The following MAML3 variants were observed in gnomAD, a reference collection of about 807,000 sequenced individuals.
MAML3 encodes mastermind-like protein 3.
In MAML3, 27 loss-of-function variants were observed where a neutral mutation model predicts 101.9. That is an observed-to-expected ratio of 0.27 (90% CI 0.20 to 0.37). The LOEUF (loss-of-function observed/expected upper bound fraction) is 0.37, where lower values mean the gene tolerates loss of function less well. MAML3 is among the 10% of genes least tolerant of loss of function. The pLI is 1.00. For synonymous variants in MAML3, 501 were observed against 555.9 expected, an observed-to-expected ratio of 0.90 and a Z score of 1.39; for missense variants, 1,316 against 1,444.9, an observed-to-expected ratio of 0.91 and a Z score of 1.45.
At chr4:140,004,722 G>C (rs1216234857) in intron 1 of MAML3, among the ~76,000 whole-genome samples, 1 of 152,026 alleles carries the variant, frequency 6.6e-6, no homozygotes, top group Non-Finnish European at 1.5e-5. Flanking sequence ...TGGCGAGGGA[G>C]CCTGGCGCAG....
chr4:139,801,522 G>A (rs149532604), intron 2 of MAML3, among the ~76,000 whole-genome samples: 11 of 152,248 alleles, frequency 7.2e-5, no homozygotes, highest in East Asian at 3.9e-4. Flanking sequence ...GACTTTTTCC[G>A]TCAAAAGGAA....
rs993913187 is a variant in MAML3 at position 139,790,255 on chromosome 4, A to G, written c.2080-59588T>C. On this transcript the variant is annotated intron_variant, in intron 2 of 4. Coordinates refer to ENST00000509479, the MANE Select transcript of MAML3 (RefSeq NM_018717.5). ...TATATATATATATAAATAAATATAT[A>G]AAATAAAATATATACCTATATATAA... 5.5e-5 allele frequency among the ~76,000 whole-genome samples: 8 copies of G among 145,600 alleles called. No individual in the cohort carries two copies. The East Asian group carries it at 1.4e-3, about 25-fold the overall frequency.
chr4:140,002,253 C>G (rs1395827647), intron 1 of MAML3, among the ~76,000 whole-genome samples: 1 of 152,216 alleles, frequency 6.6e-6, no homozygotes, highest in Admixed American at 6.5e-5. Flanking sequence ...ATTCTACTCT[C>G]TGCTTCTAGG....
intron 1 of MAML3, among the ~76,000 whole-genome samples, chr4:140,103,413 C>T (rs1728283834): frequency 6.6e-6 from 1 of 152,112 alleles, no homozygotes; most frequent in Admixed American, 6.5e-5. Context: ...TTTAAAGTGG[C>T]TTCTAGCAGA....
At chr4:140,019,703 T>TA (rs1177710371) in intron 1 of MAML3, among the ~76,000 whole-genome samples, 1 of 152,240 alleles carries the variant, frequency 6.6e-6, no homozygotes, top group Non-Finnish European at 1.5e-5. Context: ...TCCTGAGAGC[T>TA]ACTCTTGGAA....
chr4:140,129,361 C>T (rs1037642414), intron 1 of MAML3, among the ~76,000 whole-genome samples: 1 of 152,186 alleles, frequency 6.6e-6, no homozygotes, highest in African/African-American at 2.4e-5. Flanking sequence ...CAAAATTCTA[C>T]AAAGAAGGTG....
intron 1 of MAML3, among the ~76,000 whole-genome samples, chr4:140,036,522 T>C (rs1426843201): frequency 6.6e-6 from 1 of 152,184 alleles, no homozygotes; most frequent in East Asian, 1.9e-4. Flanking sequence ...GCACCTCTCC[T>C]GCAACTTCTT....
intron 1 of MAML3, among the ~76,000 whole-genome samples, chr4:140,092,816 C>T (rs966654106): frequency 1.3e-5 from 2 of 152,038 alleles, no homozygotes; most frequent in Admixed American, 1.3e-4. Flanking sequence ...CCAAAACTAC[C>T]TGACCACACT....
At chr4:139,879,799 G>A (rs1193865415) in intron 2 of MAML3, among the ~76,000 whole-genome samples, 3 of 152,130 alleles carry the variant, frequency 2.0e-5, no homozygotes, top group Non-Finnish European at 2.9e-5. Context: ...ACTGTTCGAT[G>A]GGTTATCAGC....
chr4:139,835,939 C>T (rs913636195), intron 2 of MAML3, among the ~76,000 whole-genome samples: 2 of 152,124 alleles, frequency 1.3e-5, no homozygotes, highest in Non-Finnish European at 2.9e-5. Flanking sequence ...AGCTGAGACT[C>T]AGGAATACAT....
intron 1 of MAML3, among the ~76,000 whole-genome samples, chr4:139,938,372 G>A (rs185592851): frequency 6.6e-6 from 1 of 152,290 alleles, no homozygotes; most frequent in East Asian, 1.9e-4. Context: ...GTCATGAAGT[G>A]ATTGGCTCAA....
chr4:139,757,642 CAAAAAAAAAA>C (rs10583574), intron 2 of MAML3, among the ~76,000 whole-genome samples: 4 of 104,608 alleles, frequency 3.8e-5, no homozygotes, highest in African/African-American at 1.5e-4. Context: ...GGCTCCATTT[CAAAAAAAAAA>C]AAAAAAAAAA....
chr4:140,012,350 G>A (rs13150296), intron 1 of MAML3, among the ~76,000 whole-genome samples: 40,744 of 152,142 alleles, frequency 0.27, 6,661 homozygotes, highest in Non-Finnish European at 0.37. Context: ...AGACATACCT[G>A]GAAGGTCAAC....
At chr4:139,850,244 AAAC>A (rs1167430604) in intron 2 of MAML3, among the ~76,000 whole-genome samples, 1 of 152,236 alleles carries the variant, frequency 6.6e-6, no homozygotes, top group Non-Finnish European at 1.5e-5. Flanking sequence ...AAATAAAGCA[AAAC>A]AACATCCTAA....
At chr4:139,958,262 T>A (rs1358160492) in intron 1 of MAML3, among the ~76,000 whole-genome samples, 1 of 152,236 alleles carries the variant, frequency 6.6e-6, no homozygotes, top group African/African-American at 2.4e-5. Context: ...AATGTTTAGA[T>A]GAGGTACTCC....
chr4:139,969,344 T>C (rs1578622045), intron 1 of MAML3, among the ~76,000 whole-genome samples: 1 of 152,148 alleles, frequency 6.6e-6, no homozygotes, highest in East Asian at 1.9e-4. Context: ...ATACTCAAGA[T>C]GGAACCAGTC....
intron 1 of MAML3, among the ~76,000 whole-genome samples, chr4:140,122,088 TAA>T (rs1334634018): frequency 6.6e-6 from 1 of 152,216 alleles, no homozygotes; most frequent in Non-Finnish European, 1.5e-5. Flanking sequence ...GCGAGTCGAT[TAA>T]ATCTCTTTCC....
chr4:139,934,156 A>C (rs2110731400), intron 1 of MAML3, among the ~76,000 whole-genome samples: 1 of 151,850 alleles, frequency 6.6e-6, no homozygotes. Flanking sequence ...GAATGTGTTT[A>C]TGAATATTTG....
chr4:139,968,824 T>C (rs946683317), intron 1 of MAML3, among the ~76,000 whole-genome samples: 5 of 152,126 alleles, frequency 3.3e-5, no homozygotes, highest in Non-Finnish European at 7.3e-5. Context: ...CTTTAGTGGT[T>C]GCAGGGAGTA....
Sources: allele counts gnomAD v4.1 joint callset (sites outside exome capture counted in the v4.1 genomes callset), GRCh38; gene constraint gnomAD v4.1.1; transcripts MANE v1.5; gene names NCBI Gene and HGNC (gene_info 2026-07-23, HGNC 2026-07-21).